AP1S3: variants seen among roughly 807,000 people sequenced by gnomAD.
AP1S3 encodes AP-1 complex subunit sigma-3.
A neutral mutation model predicts 20.9 loss-of-function variants in AP1S3; 10 were observed. The ratio of observed to expected loss-of-function variants is 0.48; its 90% CI spans 0.29 to 0.81. The LOEUF (loss-of-function observed/expected upper bound fraction) is 0.81. AP1S3 is among the 30% of genes least tolerant of loss of function. The probability of loss-of-function intolerance (pLI) is 0.08; values close to 1 mark genes in which losing one functional copy is unlikely to be tolerated. For missense variants in AP1S3, 154 were observed against 183.8 expected, an observed-to-expected ratio of 0.84 and a Z score of 0.94; for synonymous variants, 41 against 61.5, an observed-to-expected ratio of 0.67 and a Z score of 1.56.
intron 1 of AP1S3, among the ~76,000 whole-genome samples, chr2:223,802,711 T>A (rs1691497221): frequency 6.6e-6 from 1 of 152,168 alleles, no homozygotes. Context: ...ACATGTTGGA[T>A]CACAGTGTGA....
chr2:223,830,952 A>G (rs1692243696), intron 1 of AP1S3, among the ~76,000 whole-genome samples: 2 of 152,284 alleles, frequency 1.3e-5, no homozygotes, highest in South Asian at 4.2e-4. Context: ...AACTTGAATG[A>G]TTTTCAGTAT....
In AP1S3 at chr2:223,777,741, G is replaced by C. The variant is rs1443464302; in HGVS notation, c.132C>G (p.His44Gln). The C allele has an allele frequency of 6.2e-7, 1 of 1,614,130 alleles. No individual in the cohort carries two copies. The highest frequency in any genetic ancestry group is 1.3e-5 in the African/African-American group (1 of 75,052). Residue 44 changes from histidine to glutamine, a missense_variant, in exon 2 of 5, where the codon CAC (histidine) becomes CAG (glutamine). Transcript: ENST00000396654. ...EIVQIILSRGHRTSSFVDWKE... is the reference protein window; with the variant it reads ...EIVQIILSRGQRTSSFVDWKE... The stretch of plus-strand genomic sequence containing the variant: ...TCCAGTCAACAAAACTGCTTGTCCT[G>C]TGACCACGGGAGAGAATAATCTGAA...
In AP1S3 at chr2:223,762,458, G is replaced by A. The variant is rs140434555; in HGVS notation, c.429+2755C>T. Among the ~76,000 whole-genome samples, 311 of 151,884 alleles carry A rather than the reference G, an allele frequency of 2.0e-3. 2 individuals are homozygous for A. Among genetic ancestry groups the A allele is most frequent in the African/African-American group, 7.2e-3 (297 of 41,428 alleles). ...TGGCTAATTTTTGTATTTTTAGTAG[G>A]GATGGGATTTTGCCATGTTGGCTAG... On this transcript the variant is annotated intron_variant, in intron 4 of 4. Coordinates refer to ENST00000396654, the MANE Select transcript of AP1S3 (RefSeq NM_001039569.2).
chr2:223,812,699 T>A (rs965856374), intron 1 of AP1S3, among the ~76,000 whole-genome samples: 19 of 152,232 alleles, frequency 1.2e-4, no homozygotes, highest in Admixed American at 9.8e-4. Flanking sequence ...CTACTCTGAT[T>A]TAAGAGAATT....
intron 1 of AP1S3, among the ~76,000 whole-genome samples, chr2:223,836,284 C>T: frequency 6.6e-6 from 1 of 152,148 alleles, no homozygotes; most frequent in East Asian, 1.9e-4. Context: ...AAAAGGCTGC[C>T]CCTAAACAGC....
intron 1 of AP1S3, among the ~76,000 whole-genome samples, chr2:223,831,331 G>A (rs575664759): frequency 1.4e-4 from 21 of 152,168 alleles, no homozygotes; most frequent in African/African-American, 2.2e-4. Flanking sequence ...ATGGGGTTTC[G>A]CCATGTTGCC....
chr2:223,778,107 T>G (rs1414101238), intron 1 of AP1S3, among the ~76,000 whole-genome samples: 4 of 151,044 alleles, frequency 2.6e-5, no homozygotes, highest in Non-Finnish European at 5.9e-5. Flanking sequence ...ATAAGTTTTT[T>G]TTTGTTTTTT....
At chr2:223,785,614 G>A (rs4674816) in intron 1 of AP1S3, among the ~76,000 whole-genome samples, 14,919 of 152,166 alleles carry the variant, frequency 0.098, 1,007 homozygotes, top group East Asian at 0.25. Context: ...CTATCTGAAG[G>A]TCTAATACTA....
intron 1 of AP1S3, among the ~76,000 whole-genome samples, chr2:223,808,175 C>A (rs1691631581): frequency 1.3e-5 from 2 of 152,120 alleles, no homozygotes; most frequent in South Asian, 4.1e-4. Context: ...ATAAGTTCTT[C>A]CTAAATGGTG....
chr2:223,792,117 T>C (rs962018854), intron 1 of AP1S3, among the ~76,000 whole-genome samples: 1 of 152,116 alleles, frequency 6.6e-6, no homozygotes, highest in African/African-American at 2.4e-5. Flanking sequence ...TAAACTACCA[T>C]TGACATTATT....
chr2:223,822,412 C>T (rs76867539), intron 1 of AP1S3, among the ~76,000 whole-genome samples: 26,623 of 151,510 alleles, frequency 0.18, 2,977 homozygotes, highest in East Asian at 0.41. Flanking sequence ...AGGCCAGGCA[C>T]GATGGCTAAT....
At chr2:223,789,790 A>T (rs998028301) in intron 1 of AP1S3, among the ~76,000 whole-genome samples, 1 of 150,478 alleles carries the variant, frequency 6.6e-6, no homozygotes, top group African/African-American at 2.5e-5. Context: ...GTGAGCCGAG[A>T]TCATGCCACT....
chr2:223,819,683 C>T (rs141930362), intron 1 of AP1S3, among the ~76,000 whole-genome samples: 284 of 151,560 alleles, frequency 1.9e-3, no homozygotes, highest in African/African-American at 6.6e-3. Context: ...TCCTTTTTGG[C>T]CATTTTTGCT....
intron 1 of AP1S3, among the ~76,000 whole-genome samples, chr2:223,797,571 G>A (rs959865376): frequency 6.6e-6 from 1 of 152,078 alleles, no homozygotes; most frequent in Admixed American, 6.6e-5. Context: ...AGACCAGCCT[G>A]GCCAACATGG....
At chr2:223,824,696 G>A (rs1435997562) in intron 1 of AP1S3, among the ~76,000 whole-genome samples, 2 of 151,896 alleles carry the variant, frequency 1.3e-5, no homozygotes, top group East Asian at 2.0e-4. Flanking sequence ...TGCCACATGC[G>A]CAGCTAATTT....
intron 1 of AP1S3, among the ~76,000 whole-genome samples, chr2:223,782,034 C>T (rs1297939684): frequency 7.8e-6 from 1 of 127,954 alleles, no homozygotes. Context: ...TTTTTTTAGA[C>T]AGAGTCTCAC....
At chr2:223,835,200 G>C (rs1036970165) in intron 1 of AP1S3, among the ~76,000 whole-genome samples, 9 of 152,192 alleles carry the variant, frequency 5.9e-5, no homozygotes, top group Admixed American at 4.6e-4. Flanking sequence ...AGACAGAGAG[G>C]TCAAGGAATT....
At chr2:223,770,698 A>G (rs1690602873) in intron 3 of AP1S3, among the ~76,000 whole-genome samples, 1 of 150,634 alleles carries the variant, frequency 6.6e-6, no homozygotes, top group Non-Finnish European at 1.5e-5. Context: ...AATGAGAGAA[A>G]ATATCCAGGA....
At chr2:223,824,683 G>A (rs1288280517) in intron 1 of AP1S3, among the ~76,000 whole-genome samples, 2 of 152,006 alleles carry the variant, frequency 1.3e-5, no homozygotes, top group Admixed American at 6.6e-5. Context: ...GATTACAGGC[G>A]CCTGCCACAT....
Sources: allele counts gnomAD v4.1 joint callset (sites outside exome capture counted in the v4.1 genomes callset), GRCh38; gene constraint gnomAD v4.1.1; transcripts MANE v1.5; gene names NCBI Gene and HGNC (gene_info 2026-07-23, HGNC 2026-07-21).